HDAC9: variants seen among roughly 807,000 people sequenced by gnomAD.
HDAC9 encodes the protein MEF-2 interacting transcription repressor (MITR) protein.
A neutral mutation model predicts 139.4 loss-of-function variants in HDAC9; 41 were observed. The ratio of observed to expected loss-of-function variants is 0.29; its 90% CI spans 0.23 to 0.38. The LOEUF (loss-of-function observed/expected upper bound fraction) is 0.38, where lower values mean the gene tolerates loss of function less well. Among genes scored for constraint, HDAC9 ranks in the 10% least tolerant of loss-of-function variants. The probability of loss-of-function intolerance (pLI) is 1.00; values close to 1 mark genes in which losing one functional copy is unlikely to be tolerated. For synonymous variants in HDAC9, 517 were observed against 476.2 expected, an observed-to-expected ratio of 1.09 and a Z score of -1.12; for missense variants, 1,147 against 1,297.0, an observed-to-expected ratio of 0.88 and a Z score of 1.78.
At chr7:18,683,971 G>A (rs1435368476) in intron 12 of HDAC9, among the ~76,000 whole-genome samples, 1 of 151,928 alleles carries the variant, frequency 6.6e-6, no homozygotes, top group African/African-American at 2.4e-5. Flanking sequence ...AAACTATCAT[G>A]TTAGACCAGG....
chr7:18,626,594 C>T (rs6963748), intron 6 of HDAC9, among the ~76,000 whole-genome samples: 31,868 of 152,074 alleles, frequency 0.21, 3,699 homozygotes, highest in Non-Finnish European at 0.26. Context: ...TGATGTTCAG[C>T]AAGACTGTGA....
In HDAC9 at chr7:18,666,359, G is replaced by T. The variant is rs375922850; in HGVS notation, c.1614G>T (p.Val538=). Residue 538 remains valine, a synonymous_variant, in exon 12 of 26, where the codon GTG becomes GTT. Transcript: ENST00000686413. ...NSTRSDSSAC[V]DDTLGQVGAV... ...CTAGGAGCGACAGCAGTGCTTGTGT[G>T]GATGACACACTGGGACAAGTTGGGG... 1.2e-6 allele frequency: 2 copies of T among 1,613,208 alleles called. No individual in the cohort carries two copies. Among genetic ancestry groups the T allele is most frequent in the African/African-American group, 2.7e-5 (2 of 74,874 alleles).
intron 2 of HDAC9, chr7:18,509,273 C>T (rs1378167325): frequency 1.0e-6 from 1 of 985,186 alleles, no homozygotes; most frequent in Non-Finnish European, 1.2e-6. Context: ...CTATTTTAAT[C>T]TCCACTTAAC....
intron 1 of HDAC9, among the ~76,000 whole-genome samples, chr7:18,136,206 CT>C (rs1785404507): frequency 6.7e-6 from 1 of 149,162 alleles, no homozygotes; most frequent in South Asian, 2.2e-4. Flanking sequence ...GATATTAGCC[CT>C]TTGTCAGATG....
intron 11 of HDAC9, among the ~76,000 whole-genome samples, chr7:18,664,201 G>A (rs1794100505): frequency 6.6e-6 from 1 of 152,078 alleles, no homozygotes. Context: ...CCTGCAAATA[G>A]TTTCCTAAAA....
intron 21 of HDAC9, among the ~76,000 whole-genome samples, chr7:18,860,074 C>T (rs192365345): frequency 6.6e-6 from 1 of 151,460 alleles, no homozygotes; most frequent in Admixed American, 6.6e-5. Flanking sequence ...ACACACTGCA[C>T]CCCACCGAAA....
chr7:18,852,846 CT>C (rs200653040), intron 21 of HDAC9, among the ~76,000 whole-genome samples: 1,680 of 144,582 alleles, frequency 0.012, 33 homozygotes, highest in African/African-American at 0.038. Context: ...AGTAAAGGAG[CT>C]TTTTTTTTTT....
intron 21 of HDAC9, among the ~76,000 whole-genome samples, chr7:18,856,597 G>C (rs1797700598): frequency 6.6e-6 from 1 of 152,108 alleles, no homozygotes; most frequent in African/African-American, 2.4e-5. Context: ...TGTACATTAT[G>C]AATGTATATT....
chr7:18,162,324 C>T, exon 2 of HDAC9: 1 of 1,535,252 alleles, frequency 6.5e-7, no homozygotes, highest in Non-Finnish European at 8.7e-7. Context: ...CTCTGATTCT[C>T]ATGATGAGCT....
chr7:18,755,421 T>C (rs755167456), intron 14 of HDAC9, among the ~76,000 whole-genome samples: 16 of 152,178 alleles, frequency 1.1e-4, no homozygotes, highest in Non-Finnish European at 1.8e-4. Flanking sequence ...TTGAAGCTTA[T>C]TAATAAAAAG....
At chr7:18,186,738 A>G (rs1789946354) in intron 2 of HDAC9, among the ~76,000 whole-genome samples, 1 of 152,236 alleles carries the variant, frequency 6.6e-6, no homozygotes, top group Non-Finnish European at 1.5e-5. Flanking sequence ...ATGATGTGGT[A>G]ATTGAATTCC....
chr7:18,616,901 T>C (rs1031332540), intron 6 of HDAC9, among the ~76,000 whole-genome samples: 3 of 152,178 alleles, frequency 2.0e-5, no homozygotes, highest in Middle Eastern at 3.2e-3. Context: ...CTTAAAATTA[T>C]ATTGTGAGAG....
chr7:18,189,613 C>A (rs1053277795), intron 2 of HDAC9, among the ~76,000 whole-genome samples: 1 of 152,150 alleles, frequency 6.6e-6, no homozygotes, highest in African/African-American at 2.4e-5. Context: ...ACTGGTGTTC[C>A]TCCCAAAGAC....
At position 18,226,114 on chromosome 7, in the gene HDAC9, C is replaced by T. The variant is rs1793035313; in HGVS notation, c.25+63765C>T. Among the ~76,000 whole-genome samples the T allele has an allele frequency of 2.0e-5, 3 of 152,212 alleles. No homozygotes were observed. In the South Asian group the frequency reaches 6.2e-4, roughly 32 times the overall value. On this transcript the variant is annotated intron_variant, in intron 2 of 12. Transcript: ENST00000417496. ...AACATATCTATACTTTAATGTATGT[C>T]ACTGAATAAGATAAATTTAGAGTAT...
intron 2 of HDAC9, among the ~76,000 whole-genome samples, chr7:18,278,658 A>T (rs956007597): frequency 2.0e-5 from 3 of 152,166 alleles, no homozygotes; most frequent in Non-Finnish European, 2.9e-5. Context: ...AAAATTCTAT[A>T]TGATGCAGTT....
intron 1 of HDAC9, among the ~76,000 whole-genome samples, chr7:18,161,552 T>C (rs1315051153): frequency 6.6e-6 from 1 of 152,170 alleles, no homozygotes; most frequent in Non-Finnish European, 1.5e-5. Flanking sequence ...TTCCAGTTGC[T>C]TTTCCTCTAA....
intron 6 of HDAC9, among the ~76,000 whole-genome samples, chr7:18,616,257 T>C (rs552772422): frequency 6.7e-6 from 1 of 150,016 alleles, no homozygotes; most frequent in East Asian, 2.0e-4. Flanking sequence ...GAATAGAACA[T>C]GGACATCTTT....
intron 23 of HDAC9, among the ~76,000 whole-genome samples, chr7:18,939,171 A>T (rs1045241779): frequency 7.2e-5 from 11 of 152,154 alleles, no homozygotes; most frequent in Non-Finnish European, 1.5e-4. Flanking sequence ...ACAACCTAAA[A>T]TTTTTTCAAT....
At chr7:18,868,228 A>G (rs35074349) in intron 21 of HDAC9, among the ~76,000 whole-genome samples, 2,051 of 152,274 alleles carry the variant, frequency 0.013, 16 homozygotes, top group African/African-American at 0.021. Context: ...AAATGGGTCA[A>G]TTGAGTGTGT....
Sources: gnomAD v4.1 joint callset for allele counts (sites outside exome capture counted in the v4.1 genomes callset) on GRCh38, gnomAD v4.1.1 for gene constraint, MANE v1.5 for transcripts, NCBI Gene and HGNC (gene_info 2026-07-23, HGNC 2026-07-21) for gene names.